The following CORO2B variants were observed in gnomAD, a reference collection of about 807,000 sequenced individuals.
CORO2B encodes the protein coronin 2B.
CORO2B carries 26 observed loss-of-function variants against 58.8 expected under a neutral mutation model. The observed-to-expected ratio is 0.44, with a 90% CI of 0.32 to 0.61. The LOEUF (loss-of-function observed/expected upper bound fraction) is 0.61. Among genes scored for constraint, CORO2B ranks in the 20% least tolerant of loss-of-function variants. The probability of loss-of-function intolerance (pLI) is 0.04; values close to 1 mark genes in which losing one functional copy is unlikely to be tolerated. For synonymous variants in CORO2B, 242 were observed against 253.8 expected, an observed-to-expected ratio of 0.95 and a Z score of 0.44; for missense variants, 460 against 645.1, an observed-to-expected ratio of 0.71 and a Z score of 3.11.
intron 2 of CORO2B, among the ~76,000 whole-genome samples, chr15:68,691,624 CAAAAAAAAAA>C (rs57879519): frequency 2.3e-4 from 6 of 25,756 alleles, no homozygotes; most frequent in African/African-American, 6.5e-4. Context: ...GACTCCGTCT[CAAAAAAAAAA>C]AAAAAAAAAA....
the CORO2B span, among the ~76,000 whole-genome samples, chr15:68,548,086 G>C: frequency 2.0e-5 from 3 of 151,986 alleles, no homozygotes; most frequent in Non-Finnish European, 4.4e-5. Flanking sequence ...CAGGAGAATT[G>C]CTGGAACCTA....
At chr15:68,613,462 C>G (rs925856920) in intron 1 of CORO2B, among the ~76,000 whole-genome samples, 3 of 152,310 alleles carry the variant, frequency 2.0e-5, no homozygotes, top group African/African-American at 7.2e-5. Context: ...TCCCTTCTTT[C>G]TCTCTATGTG....
At chr15:68,583,321 G>A (rs1433290742) in intron 1 of CORO2B, among the ~76,000 whole-genome samples, 1 of 152,234 alleles carries the variant, frequency 6.6e-6, no homozygotes, top group African/African-American at 2.4e-5. Flanking sequence ...TGAGAAATGA[G>A]GGAACTGAGA....
intron 4 of CORO2B, among the ~76,000 whole-genome samples, chr15:68,711,325 G>A (rs903365030): frequency 1.3e-5 from 2 of 152,190 alleles, no homozygotes; most frequent in Non-Finnish European, 2.9e-5. Context: ...ACTGAGCCCA[G>A]GCTGGTGCTG....
At chr15:68,695,074 C>T in intron 2 of CORO2B, 66 bp from the exon 3 acceptor site, 2 of 1,234,184 alleles carry the variant, frequency 1.6e-6, no homozygotes, top group Non-Finnish European at 2.4e-6. Flanking sequence ...AAAGGTGCTC[C>T]ATTCAAGGCC....
Position 68,669,939 on chromosome 15 carries a change from C to A in CORO2B, c.216+24579C>A, listed in dbSNP as rs1902330722. Among the ~76,000 whole-genome samples, 3 of 151,666 alleles carry A rather than the reference C, an allele frequency of 2.0e-5. No homozygotes were observed. The South Asian group carries it at 6.3e-4, about 32-fold the overall frequency. The stretch of plus-strand genomic sequence containing the variant: ...AGGCATGATGGCGCATGCCTGTAAT[C>A]CCAGCTACTCAGGAGGCTGAGGCAA... On this transcript the variant is annotated intron_variant, in intron 2 of 11. Coordinates refer to ENST00000261861, the MANE Select transcript of CORO2B (RefSeq NM_006091.5).
chr15:68,576,035 C>T (rs930361859), upstream of CORO2B, among the ~76,000 whole-genome samples: 4 of 150,850 alleles, frequency 2.7e-5, no homozygotes, highest in Admixed American at 2.7e-4. Context: ...CACCTGTAGT[C>T]CCAGCTACTC....
intron 2 of CORO2B, among the ~76,000 whole-genome samples, chr15:68,669,344 C>G (rs1182711540): frequency 2.6e-5 from 4 of 152,100 alleles, no homozygotes; most frequent in African/African-American, 9.7e-5. Flanking sequence ...GAAATCCACA[C>G]GGGCATCTTG....
At chr15:68,701,401 T>C (rs1892642109) in intron 3 of CORO2B, among the ~76,000 whole-genome samples, 1 of 148,730 alleles carries the variant, frequency 6.7e-6, no homozygotes, top group Non-Finnish European at 1.5e-5. Flanking sequence ...AAGCTTCACC[T>C]CCCGGGTTCA....
chr15:68,532,333 T>C, the CORO2B span, among the ~76,000 whole-genome samples: 1 of 152,182 alleles, frequency 6.6e-6, no homozygotes, highest in Non-Finnish European at 1.5e-5. Flanking sequence ...GCTATGCTTA[T>C]TTATTGTTTA....
the CORO2B span, among the ~76,000 whole-genome samples, chr15:68,530,733 C>A: frequency 6.6e-6 from 1 of 152,018 alleles, no homozygotes; most frequent in Admixed American, 6.6e-5. Flanking sequence ...TAGTGATATT[C>A]TTTTTTCTAA....
At chr15:68,704,688 C>G (rs8026209) in intron 3 of CORO2B, among the ~76,000 whole-genome samples, 4,073 of 152,252 alleles carry the variant, frequency 0.027, 188 homozygotes, top group African/African-American at 0.094. Context: ...GACTAAGAGC[C>G]GTTCCCCCGT....
chr15:68,710,461 G>A lies in CORO2B; in HGVS notation c.334-271G>A, dbSNP rs1292922671. ...TTCTTCTTATCCGGGCTAGGCCACA[G>A]CAGTAGCAACATGCCAGTAATAACA... On this transcript the variant is annotated intron_variant, in intron 3 of 11. Coordinates refer to ENST00000261861, the MANE Select transcript of CORO2B (RefSeq NM_006091.5). This position sits in a 1 kb window ranked among gnomAD's most constrained non-coding sequence, Gnocchi z 4.1. Among the ~76,000 whole-genome samples the A allele has an allele frequency of 6.6e-6, 1 of 152,254 alleles. No individual in the cohort carries two copies. The highest frequency in any genetic ancestry group is 1.5e-5 in the Non-Finnish European group (1 of 68,038).
At chr15:68,618,676 T>TA (rs1900435962) in intron 1 of CORO2B, among the ~76,000 whole-genome samples, 1 of 152,248 alleles carries the variant, frequency 6.6e-6, no homozygotes, top group African/African-American at 2.4e-5. Context: ...AGGGACTTTT[T>TA]ATCTCTTCAT....
intron 3 of CORO2B, among the ~76,000 whole-genome samples, chr15:68,701,261 G>A (rs1395985676): frequency 1.3e-5 from 2 of 152,018 alleles, no homozygotes; most frequent in African/African-American, 4.8e-5. Flanking sequence ...TTCAAATCCT[G>A]GCTCTGCCAC....
At chr15:68,519,346 G>A in the CORO2B span, among the ~76,000 whole-genome samples, 13 of 152,178 alleles carry the variant, frequency 8.5e-5, no homozygotes, top group Admixed American at 1.3e-4. Flanking sequence ...TATCTGAAAA[G>A]ATAATGATCA....
intron 8 of CORO2B, among the ~76,000 whole-genome samples, chr15:68,717,032 G>C (rs1029908521): frequency 6.6e-6 from 1 of 152,126 alleles, no homozygotes; most frequent in African/African-American, 2.4e-5. Flanking sequence ...AGCCAGGTGT[G>C]GTGGCTCAAG....
chr15:68,533,104 C>G, the CORO2B span, among the ~76,000 whole-genome samples: 1 of 152,202 alleles, frequency 6.6e-6, no homozygotes, highest in Admixed American at 6.5e-5. Flanking sequence ...CCTTCATGCT[C>G]TACTTGATAT....
intron 1 of CORO2B, chr15:68,632,330 G>A (rs1414278511): frequency 1.0e-6 from 1 of 985,318 alleles, no homozygotes; most frequent in African/African-American, 1.7e-5. Flanking sequence ...TGTCATCCAG[G>A]AGCCCCACCT....
Sources: gnomAD v4.1 joint callset for allele counts (sites outside exome capture counted in the v4.1 genomes callset) on GRCh38, gnomAD v4.1.1 for gene constraint, Gnocchi (gnomAD v3.1) non-coding constraint, MANE v1.5 for transcripts, NCBI Gene and HGNC (gene_info 2026-07-23, HGNC 2026-07-21) for gene names.